Variants in TMEM266 observed in about 807,000 individuals in gnomAD.
TMEM266 encodes transmembrane protein 266.
In TMEM266, 33 loss-of-function variants were observed where a neutral mutation model predicts 50.5. That is an observed-to-expected ratio of 0.65 (90% confidence interval 0.50 to 0.87). The LOEUF (loss-of-function observed/expected upper bound fraction) is 0.87, where lower values mean the gene tolerates loss of function less well. Among genes scored for constraint, TMEM266 ranks in the 40% least tolerant of loss-of-function variants. TMEM266 has a pLI of 0.00. For synonymous variants in TMEM266, 310 were observed against 292.3 expected (o/e 1.06, Z -0.62); for missense variants, 655 against 695.1 (o/e 0.94, Z 0.65).
intron 7 of TMEM266, among the ~76,000 whole-genome samples, chr15:76,173,637 C>T (rs959837145): frequency 7.2e-5 from 11 of 152,102 alleles, no homozygotes; most frequent in Non-Finnish European, 8.8e-5. Flanking sequence ...ATTTCATTCA[C>T]GTGAAAGTCT....
rs116737471 is a variant in TMEM266 at position 76,128,608 on chromosome 15, T to G, written c.-96-5560T>G. ...CCTGCTTCGTGCTAGGCTTGTGTTT[T>G]GAGGGTTATTTTGTTTGGGAAATAT... On this transcript the variant is annotated intron_variant, in intron 1 of 10. Transcript: ENST00000388942. Among the ~76,000 whole-genome samples, 3 of 152,368 alleles carry G rather than the reference T, an allele frequency of 2.0e-5. No homozygotes were observed. The East Asian group carries it at 5.8e-4, about 29-fold the overall frequency.
chr15:76,166,428 G>A (rs1379119607), intron 5 of TMEM266, among the ~76,000 whole-genome samples: 1 of 152,182 alleles, frequency 6.6e-6, no homozygotes, highest in Non-Finnish European at 1.5e-5. Context: ...CAGAAGAGTG[G>A]GGCTCAAGCC....
At chr15:76,181,100 G>A (rs1386556497) in intron 8 of TMEM266, 1 of 152,236 alleles carries the variant, frequency 6.6e-6, no homozygotes, top group Non-Finnish European at 1.5e-5. Context: ...TATAACAGAT[G>A]AAAGGTCCCT....
Position 76,139,211 on chromosome 15 carries a change from A to G in TMEM266, c.227+1316A>G, listed in dbSNP as rs1264956606. Among the ~76,000 whole-genome samples, 1 of 152,234 alleles carries G rather than the reference A, an allele frequency of 6.6e-6. No individual in the cohort carries two copies. The highest frequency in any genetic ancestry group is 1.5e-5 in the Non-Finnish European group (1 of 68,044). On this transcript the variant is annotated intron_variant, in intron 3 of 10. Transcript: ENST00000388942. This position sits in a 1 kb window ranked among gnomAD's most constrained non-coding sequence, Gnocchi z 4.1. ...ATTCCCTGGGCTTGTTTCTGGAAGG[A>G]GCTTCCCACTTCCTGAGATAAACCG...
intron 9 of TMEM266, among the ~76,000 whole-genome samples, chr15:76,193,596 A>G (rs2142083923): frequency 6.6e-6 from 1 of 152,326 alleles, no homozygotes; most frequent in East Asian, 1.9e-4. Flanking sequence ...CCAGCCCTTC[A>G]GCTGATGTGA....
chr15:76,177,367 G>C (rs1189068164), intron 8 of TMEM266, among the ~76,000 whole-genome samples: 2 of 152,198 alleles, frequency 1.3e-5, no homozygotes, highest in African/African-American at 4.8e-5. Flanking sequence ...CATATTCACT[G>C]TACCTGTTGG....
intron 9 of TMEM266, among the ~76,000 whole-genome samples, chr15:76,196,479 C>A (rs1300183995): frequency 6.6e-6 from 1 of 152,182 alleles, no homozygotes; most frequent in Non-Finnish European, 1.5e-5. Flanking sequence ...GAACTGTGTC[C>A]AGGGAGGGAT....
At chr15:76,115,408 A>G (rs966920758) in intron 1 of TMEM266, among the ~76,000 whole-genome samples, 7 of 152,214 alleles carry the variant, frequency 4.6e-5, no homozygotes, top group African/African-American at 1.7e-4. Flanking sequence ...CATCCCACCT[A>G]AATCAAAACC....
At chr15:76,129,551 G>A (rs992810596) in intron 1 of TMEM266, among the ~76,000 whole-genome samples, 2 of 152,144 alleles carry the variant, frequency 1.3e-5, no homozygotes, top group Admixed American at 1.3e-4. Context: ...TGAGGCAGGA[G>A]AATAACTTGA....
intron 8 of TMEM266, among the ~76,000 whole-genome samples, chr15:76,183,521 G>T (rs938912965): frequency 1.3e-5 from 2 of 152,178 alleles, no homozygotes; most frequent in East Asian, 3.9e-4. Context: ...ACTGAAAATG[G>T]TGATATTGCT....
chr15:76,095,579 T>C lies in TMEM266; in HGVS notation c.-97+35563T>C, dbSNP rs528280568. 9.2e-5 allele frequency among the ~76,000 whole-genome samples: 14 copies of C among 152,190 alleles called. No individual in the cohort carries two copies. In the South Asian group the frequency reaches 2.5e-3, roughly 27 times the overall value. On this transcript the variant is annotated intron_variant, in intron 1 of 10. Transcript: ENST00000388942. ...GGGATATTGGCCTGAAATTTTCTTT[T>C]TTTATTGTGTCTCTGCCAGGTTTTG...
chr15:76,182,386 T>C (rs2469561), intron 8 of TMEM266, among the ~76,000 whole-genome samples: 148,714 of 151,966 alleles, frequency 0.98, 72,848 homozygotes, highest in East Asian at 1. Context: ...CCTGTAATCC[T>C]AGCACTTTGG....
chr15:76,121,660 G>A (rs1452972028), intron 1 of TMEM266, among the ~76,000 whole-genome samples: 3 of 152,064 alleles, frequency 2.0e-5, no homozygotes, highest in South Asian at 2.1e-4. Flanking sequence ...TAAGTGATCC[G>A]CCTGCCTCGG....
At chr15:76,116,211 C>T (rs895669405) in intron 1 of TMEM266, among the ~76,000 whole-genome samples, 4 of 152,044 alleles carry the variant, frequency 2.6e-5, no homozygotes, top group African/African-American at 4.8e-5. Context: ...TACTTATGCA[C>T]GTCTCCAAGC....
intron 5 of TMEM266, among the ~76,000 whole-genome samples, chr15:76,165,979 C>T (rs1231363316): frequency 6.6e-6 from 1 of 152,170 alleles, no homozygotes; most frequent in Non-Finnish European, 1.5e-5. Flanking sequence ...GGCTTGTGCC[C>T]AGAGTTTCTG....
rs759691310 is a variant in TMEM266, at chr15:76,137,770, C to G, written c.102C>G (p.Thr34=). 6.2e-7 allele frequency: 1 copy of G among 1,614,050 alleles called. No individual in the cohort carries two copies. Among genetic ancestry groups the G allele is most frequent in the African/African-American group, 1.3e-5 (1 of 74,916 alleles). The stretch of plus-strand genomic sequence containing the variant: ...TCTCCCAACAAGTAGACGAAGAAAC[C>G]AAGAGCATTGCTCCTGTGCAGCTGG... Residue 34 remains threonine, a synonymous_variant, in exon 3 of 11, where the codon ACC becomes ACG. Coordinates refer to ENST00000388942, the MANE Select transcript of TMEM266 (RefSeq NM_152335.3).
chr15:76,154,984 G>T (rs1001954697), intron 3 of TMEM266, among the ~76,000 whole-genome samples: 3 of 152,216 alleles, frequency 2.0e-5, no homozygotes, highest in Admixed American at 6.5e-5. Flanking sequence ...CGGACCATCA[G>T]ATATTTTATC....
Position 76,134,309 on chromosome 15 carries a change from A to T in TMEM266, c.38+8A>T. The T allele has an allele frequency of 6.2e-7, 1 of 1,613,032 alleles. No homozygotes were observed. Among genetic ancestry groups the T allele is most frequent in the Non-Finnish European group, 8.5e-7 (1 of 1,179,006 alleles). ...CAACATGACCAATCCACAGTAAGTA[A>T]TGCTGGGATCTGCTCTCTGGATCCA... On this transcript the variant is annotated splice_region_variant and intron_variant, in intron 2 of 10. Transcript: ENST00000388942.
At chr15:76,076,360 A>G (rs2036608174) in intron 1 of TMEM266, among the ~76,000 whole-genome samples, 1 of 152,014 alleles carries the variant, frequency 6.6e-6, no homozygotes, top group Admixed American at 6.6e-5. Context: ...ACCCAATATA[A>G]ATACACTCCT....
Sources: allele counts gnomAD v4.1 joint callset (sites outside exome capture counted in the v4.1 genomes callset), GRCh38; gene constraint gnomAD v4.1.1; non-coding constraint Gnocchi (gnomAD v3.1); transcripts MANE v1.5; gene names NCBI Gene and HGNC (gene_info 2026-07-23, HGNC 2026-07-21).